The following SH2D4B variants were observed in gnomAD, a reference collection of about 807,000 sequenced individuals.
SH2D4B encodes SH2 domain-containing protein 4B.
In SH2D4B, 45 loss-of-function variants were observed where a neutral mutation model predicts 61.5. The observed-to-expected ratio is 0.73, with a 90% confidence interval of 0.58 to 0.94. The LOEUF is 0.94. SH2D4B is among the 40% of genes least tolerant of loss of function. The pLI is 0.00. For missense variants in SH2D4B, 572 were observed against 574.2 expected (o/e 1.00, Z 0.04); for synonymous variants, 224 against 220.4 (o/e 1.02, Z -0.14).
At chr10:80,541,706 G>A (rs1450603033) in intron 1 of SH2D4B, among the ~76,000 whole-genome samples, 1 of 152,186 alleles carries the variant, frequency 6.6e-6, no homozygotes, top group East Asian at 1.9e-4. Context: ...TGTGCCTTGT[G>A]CCTGAGAACC....
intron 6 of SH2D4B, among the ~76,000 whole-genome samples, chr10:80,622,565 C>T (rs1489407949): frequency 6.6e-6 from 1 of 152,120 alleles, no homozygotes; most frequent in Non-Finnish European, 1.5e-5. Flanking sequence ...TCTTTCTTTC[C>T]TCTATTTGCC....
At chr10:80,625,947 C>G (rs1161230210) in intron 6 of SH2D4B, among the ~76,000 whole-genome samples, 2 of 152,182 alleles carry the variant, frequency 1.3e-5, no homozygotes, top group Non-Finnish European at 2.9e-5. Context: ...AAGGCTGACT[C>G]TATATATCTT....
intron 4 of SH2D4B, among the ~76,000 whole-genome samples, chr10:80,594,983 C>A (rs1842369804): frequency 6.6e-6 from 1 of 151,804 alleles, no homozygotes; most frequent in African/African-American, 2.4e-5. Flanking sequence ...AGTGACCTAG[C>A]ATGTAATCAA....
intron 6 of SH2D4B, among the ~76,000 whole-genome samples, chr10:80,626,788 C>G (rs1415799711): frequency 6.6e-6 from 1 of 151,416 alleles, no homozygotes; most frequent in African/African-American, 2.5e-5. Context: ...CAACCTCTTC[C>G]TTCTTGTTTA....
At chr10:80,546,626 T>C (rs949343579) in intron 1 of SH2D4B, among the ~76,000 whole-genome samples, 7 of 151,148 alleles carry the variant, frequency 4.6e-5, no homozygotes, top group Admixed American at 6.6e-5. Context: ...CCTGGGTTCA[T>C]GCCATTCTCC....
intron 5 of SH2D4B, among the ~76,000 whole-genome samples, chr10:80,604,212 G>A (rs1015989402): frequency 1.3e-5 from 2 of 152,216 alleles, no homozygotes; most frequent in Admixed American, 6.5e-5. Flanking sequence ...GCCTGTCGGA[G>A]CCCCAGGCAA....
At chr10:80,572,986 A>ATTTTTTTTTTTTTTTTTTTTTT (rs61401607) in intron 3 of SH2D4B, among the ~76,000 whole-genome samples, 1 of 8,874 alleles carries the variant, frequency 1.1e-4, no homozygotes, top group Non-Finnish European at 2.0e-4. Flanking sequence ...ATATATATAT[A>ATTTTTTTTTTTTTTTTTTTTTT]TTTTTTTTTT....
intron 3 of SH2D4B, among the ~76,000 whole-genome samples, chr10:80,574,920 C>T (rs997087911): frequency 2.6e-4 from 39 of 151,318 alleles, no homozygotes; most frequent in African/African-American, 9.5e-4. Flanking sequence ...AGGCTGGTCT[C>T]GAACTCCTGA....
At chr10:80,549,281 G>A (rs1202927721) in intron 1 of SH2D4B, among the ~76,000 whole-genome samples, 3 of 151,910 alleles carry the variant, frequency 2.0e-5, no homozygotes, top group Admixed American at 1.3e-4. Flanking sequence ...TTGGGGCATG[G>A]AGAGAGAGCT....
intron 4 of SH2D4B, among the ~76,000 whole-genome samples, chr10:80,591,521 T>TC (rs1219739626): frequency 6.7e-6 from 1 of 150,064 alleles, no homozygotes; most frequent in African/African-American, 2.5e-5. Flanking sequence ...TTTTTTTTTT[T>TC]TTTGAGTCGG....
At chr10:80,555,755 C>CA (rs1416107482) in intron 1 of SH2D4B, among the ~76,000 whole-genome samples, 4 of 152,208 alleles carry the variant, frequency 2.6e-5, no homozygotes, top group Non-Finnish European at 5.9e-5. Flanking sequence ...CCCTCAGTTC[C>CA]AAGCAAACTG....
At chr10:80,541,729 A>T (rs764244205) in intron 1 of SH2D4B, among the ~76,000 whole-genome samples, 5 of 152,140 alleles carry the variant, frequency 3.3e-5, no homozygotes, top group Non-Finnish European at 7.4e-5. Context: ...ACAGCCCCGG[A>T]GTTGTGCCTG....
intron 5 of SH2D4B, among the ~76,000 whole-genome samples, chr10:80,609,011 C>A (rs576440610): frequency 6.6e-6 from 1 of 152,274 alleles, no homozygotes; most frequent in Non-Finnish European, 1.5e-5. Flanking sequence ...CGTCAGGAGC[C>A]TCCTTCATCC....
At chr10:80,601,734 A>G (rs1371479007) in intron 4 of SH2D4B, among the ~76,000 whole-genome samples, 3 of 152,306 alleles carry the variant, frequency 2.0e-5, no homozygotes, top group South Asian at 2.1e-4. Context: ...TTCTTTGACA[A>G]CTTGTGAAGT....
intron 1 of SH2D4B, among the ~76,000 whole-genome samples, chr10:80,541,902 G>A (rs1343500924): frequency 1.3e-5 from 2 of 152,164 alleles, no homozygotes; most frequent in Non-Finnish European, 1.5e-5. Flanking sequence ...ATGAGGGCAC[G>A]GCTGGACACA....
In SH2D4B at chr10:80,644,163, A is replaced by G. The variant is rs868137941; in HGVS notation, c.*78A>G. 10 of 1,170,926 alleles carry G rather than the reference A, an allele frequency of 8.5e-6. No homozygotes were observed. The highest frequency in any genetic ancestry group is 7.4e-5 in the East Asian group (3 of 40,480). The allele number at this position is 1,170,926 out of a possible 1,614,324, so 72.5% of individuals were successfully genotyped here. A position where few individuals can be genotyped will look rare whatever the true frequency, so the allele number is the denominator to read the frequency against. The stretch of plus-strand genomic sequence containing the variant: ...TTAAGAACTTCTCATCTCAAATCCT[A>G]TGGCCTTCTGGAAGATCCACCACTA... On this transcript the variant is annotated 3_prime_UTR_variant, in exon 8 of 8. Coordinates refer to ENST00000646907, the MANE Select transcript of SH2D4B (RefSeq NM_001388272.1).
At chr10:80,613,752 G>A (rs1034597498) in intron 6 of SH2D4B, among the ~76,000 whole-genome samples, 1 of 152,230 alleles carries the variant, frequency 6.6e-6, no homozygotes, top group African/African-American at 2.4e-5. Context: ...GTGAGGGGCA[G>A]CTTTCTTATG....
At chr10:80,542,408 T>G (rs1221474792) in intron 1 of SH2D4B, among the ~76,000 whole-genome samples, 1 of 150,998 alleles carries the variant, frequency 6.6e-6, no homozygotes, top group Non-Finnish European at 1.5e-5. Flanking sequence ...CTTTTTTTTT[T>G]TTTTTTTCAG....
chr10:80,612,209 C>G (rs560409177), intron 6 of SH2D4B, among the ~76,000 whole-genome samples: 2 of 94,700 alleles, frequency 2.1e-5, no homozygotes, highest in Non-Finnish European at 4.0e-5. Context: ...CAACTTTACT[C>G]ACTTATAAAA....
Sources: allele counts gnomAD v4.1 joint callset (sites outside exome capture counted in the v4.1 genomes callset), GRCh38; gene constraint gnomAD v4.1.1; transcripts MANE v1.5; gene names NCBI Gene and HGNC (gene_info 2026-07-23, HGNC 2026-07-21).